Variants in AUTS2 observed in about 807,000 individuals in gnomAD.
AUTS2 encodes the protein activator of transcription and developmental regulator AUTS2.
A neutral mutation model predicts 112.4 loss-of-function variants in AUTS2; 17 were observed. The observed-to-expected ratio is 0.15, with a 90% confidence interval of 0.10 to 0.23. The LOEUF (loss-of-function observed/expected upper bound fraction) is 0.23. Ranked by LOEUF, AUTS2 falls within the 10% of genes least tolerant of loss-of-function variation. The pLI, the probability that AUTS2 is intolerant of heterozygous loss-of-function variation, is 1.00. For synonymous variants in AUTS2, 751 were observed against 702.7 expected, an observed-to-expected ratio of 1.07 and a Z score of -1.09; for missense variants, 1,510 against 1,701.6, an observed-to-expected ratio of 0.89 and a Z score of 1.98.
chr7:69,977,390 GT>G (rs1232544262), intron 2 of AUTS2, among the ~76,000 whole-genome samples: 60 of 152,154 alleles, frequency 3.9e-4, no homozygotes, highest in African/African-American at 1.3e-3. Context: ...CTTTAACTTT[GT>G]TCTTTTTCTA....
chr7:70,741,066 C>T (rs1788074817), intron 6 of AUTS2, among the ~76,000 whole-genome samples: 1 of 151,346 alleles, frequency 6.6e-6, no homozygotes, highest in South Asian at 2.1e-4. Flanking sequence ...CACACTCCAG[C>T]CTGGGTGACA....
At position 70,790,377 on chromosome 7, in the gene AUTS2, C is replaced by T. The variant is rs1585702359; in HGVS notation, c.3161C>T (p.Pro1054Leu). ...RMMTPFMGIS[P>L]LPGGERFPYP... ...ATGACCCCCTTCATGGGCATCAGCC[C>T]CCTCCCGGGCGGAGAGCGCTTCCCG... The change falls in exon 19 of 19, where the codon CCC becomes CTC. Residue 1054 changes from proline to leucine, a missense_variant. Pro to Leu is a moderately conservative substitution (Grantham distance 98). Transcript: ENST00000342771. The surrounding 1 kb of genome is among the most constrained non-coding windows in gnomAD (Gnocchi z 7.6). 1.2e-6 allele frequency: 2 copies of T among 1,613,896 alleles called. No individual in the cohort carries two copies. Among genetic ancestry groups the T allele is most frequent in the Non-Finnish European group, 8.5e-7 (1 of 1,180,002 alleles).
At chr7:70,082,108 A>G (rs896024917) in intron 2 of AUTS2, among the ~76,000 whole-genome samples, 1 of 152,076 alleles carries the variant, frequency 6.6e-6, no homozygotes, top group East Asian at 1.9e-4. Context: ...TATGAACGTT[A>G]TGGTTCCCTA....
chr7:70,596,015 A>G (rs1313558220), intron 5 of AUTS2: 1 of 152,170 alleles, frequency 6.6e-6, no homozygotes, highest in Non-Finnish European at 1.5e-5. Flanking sequence ...GCAGCAGCCA[A>G]TCCGCTGGTG....
intron 1 of AUTS2, among the ~76,000 whole-genome samples, chr7:69,644,597 A>G (rs1055927095): frequency 1.3e-5 from 2 of 151,964 alleles, no homozygotes; most frequent in African/African-American, 4.8e-5. Context: ...CTAGTTTTCT[A>G]CATTTCTGAC....
chr7:69,672,397 G>A (rs977997148), intron 1 of AUTS2, among the ~76,000 whole-genome samples: 1 of 152,140 alleles, frequency 6.6e-6, no homozygotes, highest in African/African-American at 2.4e-5. Context: ...CAATGGAGAA[G>A]ATGTGTCCAT....
At chr7:70,113,017 T>G (rs952611505) in intron 2 of AUTS2, among the ~76,000 whole-genome samples, 2 of 152,116 alleles carry the variant, frequency 1.3e-5, no homozygotes, top group African/African-American at 4.8e-5. Flanking sequence ...ATGGTTAGCT[T>G]CAAGATTATC....
At chr7:70,629,900 G>T (rs950006564) in intron 5 of AUTS2, among the ~76,000 whole-genome samples, 2 of 152,034 alleles carry the variant, frequency 1.3e-5, no homozygotes, top group Non-Finnish European at 2.9e-5. Context: ...ATGAAATATG[G>T]ATTTATACCA....
chr7:70,276,909 G>A (rs1246688311), intron 4 of AUTS2, among the ~76,000 whole-genome samples: 3 of 152,140 alleles, frequency 2.0e-5, no homozygotes, highest in African/African-American at 7.2e-5. Context: ...TTGGTAACTG[G>A]CCTTCAAAAG....
At chr7:69,905,956 A>G (rs1243042813) in intron 2 of AUTS2, among the ~76,000 whole-genome samples, 1 of 152,208 alleles carries the variant, frequency 6.6e-6, no homozygotes, top group African/African-American at 2.4e-5. Context: ...ATATTTCCCA[A>G]AGTAAGAAAA....
chr7:70,763,627 C>G (rs1789717651), intron 7 of AUTS2, among the ~76,000 whole-genome samples: 1 of 152,060 alleles, frequency 6.6e-6, no homozygotes, highest in Non-Finnish European at 1.5e-5. Context: ...AGCCCTGGGC[C>G]AGGGAGACCC....
chr7:70,140,296 G>A (rs1029675209), intron 4 of AUTS2, among the ~76,000 whole-genome samples: 3 of 152,160 alleles, frequency 2.0e-5, no homozygotes, highest in South Asian at 2.1e-4. Flanking sequence ...CCCAGTGTTC[G>A]TTAGGAGCTG....
chr7:70,260,647 G>A (rs755393534), intron 4 of AUTS2, among the ~76,000 whole-genome samples: 12 of 151,852 alleles, frequency 7.9e-5, no homozygotes, highest in Non-Finnish European at 1.2e-4. Context: ...GTTTTGGAGG[G>A]GGCATTTAAA....
At chr7:69,786,361 T>C (rs1449671257) in intron 1 of AUTS2, among the ~76,000 whole-genome samples, 2 of 152,206 alleles carry the variant, frequency 1.3e-5, no homozygotes, top group African/African-American at 2.4e-5. Flanking sequence ...CAGTCAGCGC[T>C]CTGTGTCTAG....
At chr7:70,703,451 G>A (rs1809565966) in intron 6 of AUTS2, among the ~76,000 whole-genome samples, 1 of 131,336 alleles carries the variant, frequency 7.6e-6, no homozygotes, top group African/African-American at 2.9e-5. Context: ...AGCCCTGATT[G>A]TGCCACTATA....
chr7:70,507,522 C>T (rs761215369), intron 5 of AUTS2, among the ~76,000 whole-genome samples: 6 of 152,018 alleles, frequency 3.9e-5, no homozygotes, highest in African/African-American at 7.2e-5. Flanking sequence ...TAAGGCCGGG[C>T]GCAGTGGCTC....
At chr7:69,635,892 C>T (rs1794498562) in intron 1 of AUTS2, among the ~76,000 whole-genome samples, 1 of 152,156 alleles carries the variant, frequency 6.6e-6, no homozygotes, top group Non-Finnish European at 1.5e-5. Context: ...TGTGTGTGCC[C>T]ATTTTGACAT....
chr7:70,256,496 G>C (rs1473417682), intron 4 of AUTS2, among the ~76,000 whole-genome samples: 2 of 152,172 alleles, frequency 1.3e-5, no homozygotes, highest in Non-Finnish European at 2.9e-5. Context: ...AAGCTGCCAA[G>C]GACCTGCTAA....
chr7:69,766,100 G>A (rs1030174543), intron 1 of AUTS2, among the ~76,000 whole-genome samples: 2 of 151,996 alleles, frequency 1.3e-5, no homozygotes, highest in Non-Finnish European at 2.9e-5. Context: ...AATAACAACC[G>A]CCCATTCTCT....
Sources: gnomAD v4.1 joint callset for allele counts (sites outside exome capture counted in the v4.1 genomes callset) on GRCh38, gnomAD v4.1.1 for gene constraint, Gnocchi (gnomAD v3.1) non-coding constraint, MANE v1.5 for transcripts, NCBI Gene and HGNC (gene_info 2026-07-23, HGNC 2026-07-21) for gene names.